IL1RAPL2: variants seen among roughly 807,000 people sequenced by gnomAD.
IL1RAPL2 encodes X-linked interleukin-1 receptor accessory protein-like 2.
Under a neutral mutation model 44.1 loss-of-function variants are expected in IL1RAPL2, and 3 were observed. The ratio of observed to expected loss-of-function variants is 0.07; its 90% CI spans 0.03 to 0.18. The LOEUF is 0.18. Ranked by LOEUF, IL1RAPL2 falls within the 10% of genes least tolerant of loss-of-function variation. IL1RAPL2 has a pLI of 1.00. For synonymous variants in IL1RAPL2, 181 were observed against 178.8 expected, an observed-to-expected ratio of 1.01 and a Z score of -0.10; for missense variants, 391 against 496.4, an observed-to-expected ratio of 0.79 and a Z score of 2.02.
At chrX:105,485,295 T>G (rs2036258003) in intron 6 of IL1RAPL2, among the ~76,000 whole-genome samples, 1 of 110,901 alleles carries the variant, frequency 9.0e-6, no homozygotes, top group Non-Finnish European at 1.9e-5. Flanking sequence ...TTTAGAAAGG[T>G]TTTTCTTTTT....
At chrX:105,393,001 A>G (rs749733743) in intron 5 of IL1RAPL2, among the ~76,000 whole-genome samples, 1 of 112,871 alleles carries the variant, frequency 8.9e-6, no homozygotes, top group South Asian at 3.6e-4. Flanking sequence ...TAATCAACCA[A>G]TGAGTTCTTT....
At chrX:104,827,136 A>C (rs1422749583) in intron 2 of IL1RAPL2, among the ~76,000 whole-genome samples, 1 of 109,401 alleles carries the variant, frequency 9.1e-6, no homozygotes. Flanking sequence ...TTTAAGGTTA[A>C]TATTGTTATG....
At chrX:105,691,624 G>C (rs182061497) in intron 6 of IL1RAPL2, among the ~76,000 whole-genome samples, 95 of 111,512 alleles carry the variant, frequency 8.5e-4, no homozygotes, top group African/African-American at 3.0e-3. Context: ...AGACATGCTT[G>C]GATTAAACTG....
intron 6 of IL1RAPL2, among the ~76,000 whole-genome samples, chrX:105,602,798 G>GAA (rs550412686): frequency 2.3e-5 from 2 of 85,123 alleles, no homozygotes; most frequent in Non-Finnish European, 4.8e-5. Context: ...AGTACCAAAA[G>GAA]AAAAAAAAAA....
Position 105,405,902 on chromosome X carries a change from T to A in IL1RAPL2, c.698-78411T>A. On this transcript the variant is annotated intron_variant, in intron 5 of 10. Transcript: ENST00000372582. ...ATAATGGGAAAGGTGGACTGATTGA[T>A]GATATTGCTTTGATCAGGGATGATG... 3 of 1,164,801 alleles carry A rather than the reference T, an allele frequency of 2.6e-6. No homozygotes were observed. In the East Asian group the frequency reaches 8.9e-5, roughly 35 times the overall value.
intron 2 of IL1RAPL2, among the ~76,000 whole-genome samples, chrX:104,985,381 G>A (rs779250920): frequency 4.5e-5 from 5 of 111,847 alleles, no homozygotes; most frequent in Non-Finnish European, 5.6e-5. Flanking sequence ...GAGCCACCAC[G>A]CCTGGCCTGT....
intron 5 of IL1RAPL2, among the ~76,000 whole-genome samples, chrX:105,353,581 ATTTG>A (rs2035175730): frequency 9.0e-6 from 1 of 111,356 alleles, no homozygotes; most frequent in Non-Finnish European, 1.9e-5. Flanking sequence ...ATGTTCTTCC[ATTTG>A]TTTGTATCCT....
intron 1 of IL1RAPL2, among the ~76,000 whole-genome samples, chrX:104,597,760 C>G (rs1928794983): frequency 9.1e-6 from 1 of 110,334 alleles, no homozygotes; most frequent in Non-Finnish European, 1.9e-5. Flanking sequence ...CTTGAGACTT[C>G]AGGCAAATGG....
chrX:105,557,061 T>C (rs2147805257), intron 6 of IL1RAPL2, among the ~76,000 whole-genome samples: 1 of 112,116 alleles, frequency 8.9e-6, no homozygotes, highest in African/African-American at 3.2e-5. Context: ...AATAAGTTTG[T>C]CTATTGTCTG....
At chrX:105,455,698 G>A (rs1370386255) in intron 5 of IL1RAPL2, among the ~76,000 whole-genome samples, 2 of 111,691 alleles carry the variant, frequency 1.8e-5, no homozygotes, top group African/African-American at 6.5e-5. Context: ...TCTTGTACCC[G>A]TACCATCCTG....
chrX:104,759,414 A>G (rs1194907531), intron 2 of IL1RAPL2, among the ~76,000 whole-genome samples: 2 of 111,262 alleles, frequency 1.8e-5, no homozygotes, highest in East Asian at 5.7e-4. Context: ...ATTGCTTTAG[A>G]CTCTGTTTCA....
intron 6 of IL1RAPL2, among the ~76,000 whole-genome samples, chrX:105,519,766 A>AT (rs1035243637): frequency 3.6e-5 from 4 of 111,353 alleles, no homozygotes; most frequent in African/African-American, 1.3e-4. Context: ...GAAGTTGACA[A>AT]TGTGGGGACT....
At chrX:105,658,798 C>CAA (rs60498943) in intron 6 of IL1RAPL2, among the ~76,000 whole-genome samples, 25 of 93,245 alleles carry the variant, frequency 2.7e-4, no homozygotes, top group African/African-American at 8.9e-4. Context: ...ACTAAAAATA[C>CAA]AAAAAAAAAA....
At chrX:104,925,726 C>A (rs780751859) in intron 2 of IL1RAPL2, among the ~76,000 whole-genome samples, 42 of 111,515 alleles carry the variant, frequency 3.8e-4, no homozygotes, top group Non-Finnish European at 6.4e-4. Context: ...CTATGACAAA[C>A]CCATAGCCAA....
chrX:105,172,299 A>G (rs1455184697), intron 2 of IL1RAPL2, among the ~76,000 whole-genome samples: 2 of 112,696 alleles, frequency 1.8e-5, no homozygotes, highest in Non-Finnish European at 3.8e-5. Context: ...ATAACAGATT[A>G]TCACAAATTT....
chrX:104,935,222 G>C (rs1164842671), intron 2 of IL1RAPL2, among the ~76,000 whole-genome samples: 4 of 111,829 alleles, frequency 3.6e-5, no homozygotes, highest in African/African-American at 9.7e-5. Flanking sequence ...ATTCAATTCT[G>C]TATTAATTTC....
intron 5 of IL1RAPL2, among the ~76,000 whole-genome samples, chrX:105,335,581 A>G (rs932752166): frequency 8.1e-5 from 9 of 111,514 alleles, no homozygotes; most frequent in Non-Finnish European, 1.7e-4. Context: ...GAGATTTTAA[A>G]TTAATGTCTG....
In IL1RAPL2 at chrX:104,698,260, G is replaced by A. The variant is rs750480188; in HGVS notation, c.82+39265G>A. 6.2e-5 allele frequency among the ~76,000 whole-genome samples: 7 copies of A among 112,397 alleles called. No homozygotes were observed. In the East Asian group the frequency reaches 1.1e-3, roughly 18 times the overall value. ...TAAGAAGTGACATCTCATCAGTTTC[G>A]TCATATACTGCTCCTTAGAAACAAG... On this transcript the variant is annotated intron_variant, in intron 2 of 10. Transcript: ENST00000372582.
At chrX:105,582,580 A>G (rs966427870) in intron 6 of IL1RAPL2, among the ~76,000 whole-genome samples, 3 of 110,858 alleles carry the variant, frequency 2.7e-5, no homozygotes, top group African/African-American at 9.8e-5. Context: ...TGAAAATATC[A>G]TTTCTTAGGG....
Sources: gnomAD v4.1 joint callset for allele counts (sites outside exome capture counted in the v4.1 genomes callset) on GRCh38, gnomAD v4.1.1 for gene constraint, MANE v1.5 for transcripts, NCBI Gene and HGNC (gene_info 2026-07-23, HGNC 2026-07-21) for gene names.